The following DGKD variants were observed in gnomAD, a reference collection of about 807,000 sequenced individuals.
DGKD encodes the protein diacylglycerol kinase delta.
In DGKD, 68 loss-of-function variants were observed where a neutral mutation model predicts 154.4. The observed-to-expected ratio is 0.44, with a 90% CI of 0.36 to 0.54. The LOEUF is 0.54. DGKD is among the 20% of genes least tolerant of loss of function. The pLI is 0.00. For synonymous variants in DGKD, 693 were observed against 638.0 expected, an observed-to-expected ratio of 1.09 and a Z score of -1.30; for missense variants, 1,343 against 1,593.6, an observed-to-expected ratio of 0.84 and a Z score of 2.68.
In DGKD at chr2:233,470,668, C is replaced by T. The variant is rs1243246405; in HGVS notation, c.*1208C>T. The T allele has an allele frequency of 1.3e-5, 2 of 152,298 alleles. No homozygotes were observed. The highest frequency in any genetic ancestry group is 6.5e-5 in the Admixed American group (1 of 15,276). 9.4% of individuals were successfully genotyped at this position (152,298 alleles called of 1,614,324 possible). A position where few individuals can be genotyped will look rare whatever the true frequency, so the allele number is the denominator to read the frequency against. On this transcript the variant is annotated 3_prime_UTR_variant, in exon 30 of 30. Coordinates refer to ENST00000264057, the MANE Select transcript of DGKD (RefSeq NM_152879.3). Reference sequence around the variant, plus strand: ...GAAGGATGCCCCTGGTCCTCCAGGGCACTGACTTTGCCCTTTTTTCCCGTT... The same window carrying T: ...GAAGGATGCCCCTGGTCCTCCAGGGTACTGACTTTGCCCTTTTTTCCCGTT...
chr2:233,387,496 G>A (rs1703263300), intron 1 of DGKD, among the ~76,000 whole-genome samples: 1 of 152,162 alleles, frequency 6.6e-6, no homozygotes, highest in East Asian at 1.9e-4. Flanking sequence ...AGTTAGTTAC[G>A]CATTTGATGT....
rs1575175264 is a variant in DGKD, at chr2:233,463,332, T to C, written c.3186+597T>C. On this transcript the variant is annotated intron_variant, in intron 26 of 29. Coordinates refer to ENST00000264057, the MANE Select transcript of DGKD (RefSeq NM_152879.3). ...CACACATCACCTCACTCCACACATC[T>C]CCTCACTGCACGCATCTCACTCCAC... Among the ~76,000 whole-genome samples the C allele has an allele frequency of 2.7e-5, 4 of 149,656 alleles. No homozygotes were observed. In the South Asian group the frequency reaches 8.5e-4, roughly 32 times the overall value.
chr2:233,396,928 G>A (rs538811755), intron 3 of DGKD, among the ~76,000 whole-genome samples: 172 of 128,056 alleles, frequency 1.3e-3, no homozygotes, highest in African/African-American at 4.9e-3. Flanking sequence ...CAGCGTGGCT[G>A]GGGGGGGCCA....
At chr2:233,447,098 A>G (rs1164632731) in intron 12 of DGKD, among the ~76,000 whole-genome samples, 1 of 152,122 alleles carries the variant, frequency 6.6e-6, no homozygotes, top group Non-Finnish European at 1.5e-5. Context: ...TCAGCTGCGC[A>G]GTGAGCCCCA....
intron 7 of DGKD, 80 bp from the exon 8 acceptor site, chr2:233,437,297 A>G: frequency 7.4e-7 from 1 of 1,355,324 alleles, no homozygotes; most frequent in Non-Finnish European, 1.0e-6. Context: ...AGGCCAGCTC[A>G]TCAGCTACAG....
chr2:233,383,874 G>A (rs1242550413), intron 1 of DGKD, among the ~76,000 whole-genome samples: 2 of 152,182 alleles, frequency 1.3e-5, no homozygotes, highest in Non-Finnish European at 2.9e-5. Flanking sequence ...CTGAAGTTCT[G>A]ATGATAGCAT....
chr2:233,457,399 C>T lies in DGKD; in HGVS notation c.2580+71C>T, dbSNP rs779394288. On this transcript the variant is annotated intron_variant, in intron 21 of 29. Coordinates refer to ENST00000264057, the MANE Select transcript of DGKD (RefSeq NM_152879.3). This position sits in a 1 kb window ranked among gnomAD's most constrained non-coding sequence, Gnocchi z 5.5. ...AGCTGTCTGAGAGCAGGGGGGTGTT[C>T]TGCTGTGGCTGGGGTGGATCCAGCT... The T allele has an allele frequency of 3.4e-6, 4 of 1,160,098 alleles. No individual in the cohort carries two copies. The highest frequency in any genetic ancestry group is 2.5e-5 in the South Asian group (2 of 81,344). The allele number at this position is 1,160,098 out of a possible 1,614,324, so 71.9% of individuals were successfully genotyped here.
chr2:233,432,225 ATTAAAAATACAAAAAATTAG>A (rs2062542380), intron 3 of DGKD, among the ~76,000 whole-genome samples: 2 of 96,288 alleles, frequency 2.1e-5, no homozygotes, highest in Non-Finnish European at 4.6e-5. Flanking sequence ...CCTCGTCTCT[ATTAAAAATACAAAAAATTAG>A]CCAGGCGTGG....
At chr2:233,406,433 G>C (rs7568534) in intron 3 of DGKD, among the ~76,000 whole-genome samples, 44,656 of 152,100 alleles carry the variant, frequency 0.29, 9,523 homozygotes, top group African/African-American at 0.61. Context: ...AGTCCTTGGT[G>C]AGTATGGTCA....
intron 7 of DGKD, among the ~76,000 whole-genome samples, chr2:233,436,762 G>A (rs1461664122): frequency 6.6e-6 from 1 of 152,278 alleles, no homozygotes; most frequent in East Asian, 1.9e-4. Flanking sequence ...CCTCTGTGGT[G>A]TGGAAGCAGG....
In DGKD at chr2:233,457,015, T is replaced by G; in HGVS notation, c.2472+20T>G. The G allele has an allele frequency of 6.3e-7, 1 of 1,594,682 alleles. No homozygotes were observed. The highest frequency in any genetic ancestry group is 8.6e-7 in the Non-Finnish European group (1 of 1,162,538). ...CTGGAGGTGAGTGGGAGGGTCCTTG[T>G]CACCTGCAGGCTGGCCTCCATCCAT... On this transcript the variant is annotated intron_variant, in intron 20 of 29. Coordinates refer to ENST00000264057, the MANE Select transcript of DGKD (RefSeq NM_152879.3). This position sits in a 1 kb window ranked among gnomAD's most constrained non-coding sequence, Gnocchi z 5.5.
chr2:233,413,426 T>G (rs915290172), intron 3 of DGKD, among the ~76,000 whole-genome samples: 12 of 152,160 alleles, frequency 7.9e-5, no homozygotes, highest in African/African-American at 2.9e-4. Context: ...TCAGATTTTT[T>G]GTTTCTTGTG....
intron 1 of DGKD, among the ~76,000 whole-genome samples, chr2:233,369,764 C>G (rs991934823): frequency 6.6e-6 from 1 of 152,162 alleles, no homozygotes; most frequent in Admixed American, 6.5e-5. Context: ...CTCCCCTCAC[C>G]TTGAATTCAT....
chr2:233,456,964 A>T lies in DGKD; in HGVS notation c.2441A>T (p.Tyr814Phe). Residue 814 changes from tyrosine (Y) to phenylalanine (F), a missense_variant, in exon 20 of 30, where the codon TAC becomes TTC. Tyr to Phe is a conservative substitution (Grantham distance 22). Around this residue, in one of 6 missense-constraint regions of DGKD, gnomAD observed 60 missense variants for 112.4 expected, o/e 0.53. Transcript: ENST00000264057. ...ACCAAAGAGTTGCTGCACAGAACCT[A>T]CAAGAACCTGGAGCAAAAGGTCTTG... ...LGTKELLHRT[Y>F]KNLEQKVLLE... 6.2e-7 allele frequency: 1 copy of T among 1,614,230 alleles called. No homozygotes were observed. The highest frequency in any genetic ancestry group is 8.5e-7 in the Non-Finnish European group (1 of 1,180,026).
At position 233,471,455 on chromosome 2, in the gene DGKD, C is replaced by T. The variant is rs1456540607; in HGVS notation, c.*1995C>T. Reference sequence around the variant, plus strand: ...ACCTGTCCCGCAGTCCCTGCATGACCATTGGCCCTGCTGGCCTGGCGATGT... The same window carrying T: ...ACCTGTCCCGCAGTCCCTGCATGACTATTGGCCCTGCTGGCCTGGCGATGT... On this transcript the variant is annotated 3_prime_UTR_variant, in exon 30 of 30. Coordinates refer to ENST00000264057, the MANE Select transcript of DGKD (RefSeq NM_152879.3). The T allele has an allele frequency of 6.6e-6, 1 of 152,364 alleles. No individual in the cohort carries two copies. The highest frequency in any genetic ancestry group is 1.5e-5 in the Non-Finnish European group (1 of 68,074). 9.4% of individuals were successfully genotyped at this position (152,364 alleles called of 1,614,324 possible).
chr2:233,449,168 G>T lies in DGKD; in HGVS notation c.1680G>T (p.Ser560=), dbSNP rs765268127. ...LKTLDDESQA[S]SSLPNPPPTI... is the part of the protein sequence containing the mutation. ...CCTTGGACGATGAGTCCCAGGCCTC[G>T]TCCTCTCTGCCCAACCCGCCCCCCA... Residue 560 remains serine (S), a synonymous_variant, in exon 15 of 30, where the codon TCG becomes TCT. Coordinates refer to ENST00000264057, the MANE Select transcript of DGKD (RefSeq NM_152879.3). The surrounding 1 kb of genome is among the most constrained non-coding windows in gnomAD (Gnocchi z 5.3). The T allele has an allele frequency of 2.5e-6, 4 of 1,613,234 alleles. No homozygotes were observed. Among genetic ancestry groups the T allele is most frequent in the Non-Finnish European group, 3.4e-6 (4 of 1,179,746 alleles).
At chr2:233,391,855 G>A (rs1276366421) in intron 3 of DGKD, among the ~76,000 whole-genome samples, 2 of 152,068 alleles carry the variant, frequency 1.3e-5, no homozygotes, top group African/African-American at 4.8e-5. Flanking sequence ...TTGATTAACT[G>A]CTCTTATTTT....
intron 3 of DGKD, among the ~76,000 whole-genome samples, chr2:233,429,583 TGTGA>T (rs543142629): frequency 5.7e-4 from 87 of 152,330 alleles, no homozygotes; most frequent in African/African-American, 1.9e-3. Context: ...CTCTCCACGC[TGTGA>T]GTTCTGTGAG....
intron 16 of DGKD, among the ~76,000 whole-genome samples, chr2:233,450,521 G>A (rs1016975615): frequency 2.0e-5 from 3 of 152,092 alleles, no homozygotes; most frequent in African/African-American, 7.2e-5. Flanking sequence ...GCCCCTCCTG[G>A]AACAGCCCAC....
Sources: gnomAD v4.1 joint callset for allele counts (sites outside exome capture counted in the v4.1 genomes callset) on GRCh38, gnomAD v4.1.1 for gene constraint, gnomAD v4.1.1 regional missense constraint, Gnocchi (gnomAD v3.1) non-coding constraint, MANE v1.5 for transcripts, NCBI Gene and HGNC (gene_info 2026-07-23, HGNC 2026-07-21) for gene names.